MLH3: variants seen among roughly 807,000 people sequenced by gnomAD.
MLH3 encodes the protein mutL homolog 3.
In MLH3, 82 loss-of-function variants were observed where a neutral mutation model predicts 122.2. The ratio of observed to expected loss-of-function variants is 0.67; its 90% confidence interval spans 0.56 to 0.81. The LOEUF is 0.81. MLH3 is among the 30% of genes least tolerant of loss of function. The pLI is 0.00. For missense variants in MLH3, 1,539 were observed against 1,714.5 expected (o/e 0.90, Z 1.81); for synonymous variants, 524 against 599.5 (o/e 0.87, Z 1.84).
At chr14:75,043,824 T>A (rs1892033693) in intron 2 of MLH3, among the ~76,000 whole-genome samples, 1 of 152,224 alleles carries the variant, frequency 6.6e-6, no homozygotes. Flanking sequence ...GGCTGGTGGC[T>A]CACGCCTGTA....
In MLH3 at chr14:75,039,895, G is replaced by A. The variant is rs989660381; in HGVS notation, c.3570+16C>T. 1.0e-5 allele frequency: 9 copies of A among 875,514 alleles called. No individual in the cohort carries two copies. Among genetic ancestry groups the A allele is most frequent in the Non-Finnish European group, 1.4e-5 (8 of 568,250 alleles). 54.2% of individuals were successfully genotyped at this position (875,514 alleles called of 1,614,324 possible). On this transcript the variant is annotated intron_variant, in intron 5 of 12. Transcript: ENST00000355774. ...TATATATATATATTTATGAGATTTTGAAGTTAATCTTTTACCTGCATTGAA... is the reference window on the plus strand; with the variant it reads ...TATATATATATATTTATGAGATTTTAAAGTTAATCTTTTACCTGCATTGAA...
rs775972214 is a variant in MLH3, at chr14:75,041,601, T to C, written c.3465+14A>G. 1 of 1,599,842 alleles carries C rather than the reference T, an allele frequency of 6.3e-7. No individual in the cohort carries two copies. ...AGAAAAAAAAAAGGCAAAGAAAAAC[T>C]GCTACAGACCCACCTCTGGATAACG... On this transcript the variant is annotated intron_variant, in intron 4 of 12. Transcript: ENST00000355774.
chr14:75,042,122 GA>G, intron 3 of MLH3, among the ~76,000 whole-genome samples: 1 of 152,158 alleles, frequency 6.6e-6, no homozygotes, highest in Non-Finnish European at 1.5e-5. Flanking sequence ...TTAAAAATAA[GA>G]AACATGTCCC....
rs930453949 is a variant in MLH3, at chr14:75,048,427, G to A, written c.1229C>T (p.Ala410Val). 2 of 1,609,314 alleles carry A rather than the reference G, an allele frequency of 1.2e-6. No homozygotes were observed. Among genetic ancestry groups the A allele is most frequent in the Non-Finnish European group, 1.7e-6 (2 of 1,178,744 alleles). The part of the protein sequence containing the change: ...SYEMFNLQSK[A>V]VKRKTTAENV... Reference sequence around the variant, plus strand: ...TTCTGCAGTAGTTTTTCTTTTCACAGCTTTTGACTGCAAATTAAACATCTC... The same window carrying A: ...TTCTGCAGTAGTTTTTCTTTTCACAACTTTTGACTGCAAATTAAACATCTC... Residue 410 changes from alanine to valine, a missense_variant, in exon 2 of 13, where the codon GCT becomes GTT. Coordinates refer to ENST00000355774, the MANE Select transcript of MLH3 (RefSeq NM_001040108.2).
chr14:75,039,051 G>A (rs1441459108), intron 5 of MLH3, among the ~76,000 whole-genome samples: 1 of 152,044 alleles, frequency 6.6e-6, no homozygotes, highest in Non-Finnish European at 1.5e-5. Context: ...TAGAGACGGG[G>A]TTTCACCGTG....
rs1405835646 is a variant in MLH3 at position 75,035,065 on chromosome 14, A to G, written c.3644-1575T>C. Reference sequence around the variant, plus strand: ...GCGACAGAGCAAGACTCCATCTCAAAAAAAAAAAAAAAAAAAAAAAAGTAA... The same window carrying G: ...GCGACAGAGCAAGACTCCATCTCAAGAAAAAAAAAAAAAAAAAAAAAGTAA... On this transcript the variant is annotated intron_variant, in intron 6 of 12. Transcript: ENST00000355774. 4.6e-3 allele frequency among the ~76,000 whole-genome samples: 690 copies of G among 149,110 alleles called. 4 individuals carry two copies. Among genetic ancestry groups the G allele is most frequent in the African/African-American group, 0.017 (670 of 40,560 alleles).
Position 75,046,505 on chromosome 14 carries a change from C to T in MLH3, c.3151G>A (p.Ala1051Thr), listed in dbSNP as rs1482097875. ...CSDWQRHFDVALGRMVYVNKM... is the reference protein window; with the variant it reads ...CSDWQRHFDVTLGRMVYVNKM... ...TTGACATAAACCATTCTTCCCAGGGCTACATCGAAATGCCGCTGCCAATCT... is the reference window on the plus strand; with the variant it reads ...TTGACATAAACCATTCTTCCCAGGGTTACATCGAAATGCCGCTGCCAATCT... The change falls in exon 2 of 13, where the codon GCC becomes ACC. Residue 1051 changes from alanine to threonine, a missense_variant. Transcript: ENST00000355774. 2 of 1,614,058 alleles carry T rather than the reference C, an allele frequency of 1.2e-6. No individual in the cohort carries two copies. The highest frequency in any genetic ancestry group is 1.7e-5 in the Admixed American group (1 of 60,010).
At chr14:75,027,982 G>A (rs1278046207) in intron 9 of MLH3, among the ~76,000 whole-genome samples, 1 of 147,346 alleles carries the variant, frequency 6.8e-6, no homozygotes, top group Admixed American at 6.8e-5. Flanking sequence ...ATCTCTAAAA[G>A]GATATAAATG....
At chr14:75,026,607 G>A (rs140994419) in intron 9 of MLH3, among the ~76,000 whole-genome samples, 1 of 152,276 alleles carries the variant, frequency 6.6e-6, no homozygotes, top group Non-Finnish European at 1.5e-5. Context: ...CGTTTGAGGT[G>A]ATAATGACTG....
Position 75,049,009 on chromosome 14 carries a change from C to A in MLH3, c.647G>T (p.Gly216Val). ...TCTTAGCTTTTGGGACTTTCCCAAT[C>A]CATAAATTTGACAAAATCGGGAACA... The part of the protein sequence containing the change: ...DVCSRFCQIY[G>V]LGKSQKLREI... The change falls in exon 2 of 13, where the codon GGA (glycine) becomes GTA (valine). Residue 216 changes from glycine to valine, a missense_variant. Transcript: ENST00000355774. 1 of 1,614,088 alleles carries A rather than the reference C, an allele frequency of 6.2e-7. No individual in the cohort carries two copies. The highest frequency in any genetic ancestry group is 8.5e-7 in the Non-Finnish European group (1 of 1,180,012).
At chr14:75,041,410 G>A (rs758421093) in intron 4 of MLH3, among the ~76,000 whole-genome samples, 8 of 152,070 alleles carry the variant, frequency 5.3e-5, no homozygotes, top group Admixed American at 1.3e-4. Flanking sequence ...TTCGCTGGGC[G>A]TGGTGGCAGG....
chr14:75,041,349 A>C (rs1029951013), intron 4 of MLH3, among the ~76,000 whole-genome samples: 1 of 152,188 alleles, frequency 6.6e-6, no homozygotes, highest in Admixed American at 6.5e-5. Context: ...TGGGAGTTAG[A>C]GACCAGCCTG....
intron 4 of MLH3, among the ~76,000 whole-genome samples, chr14:75,040,719 C>T (rs375846757): frequency 2.6e-5 from 4 of 152,072 alleles, no homozygotes; most frequent in African/African-American, 4.8e-5. Context: ...AACATCCATG[C>T]GGGGCCAATG....
In MLH3 at chr14:75,014,902, C is replaced by T. The variant is rs1889814170; in HGVS notation, c.*2180G>A. ...CTGAATTCTGGCTCTTACAGCTAAG[C>T]CTTCAGCAAACCAGTTAACAGCTCC... is the stretch of plus-strand genomic sequence containing the variant. On this transcript the variant is annotated 3_prime_UTR_variant, in exon 13 of 13. Coordinates refer to ENST00000355774, the MANE Select transcript of MLH3 (RefSeq NM_001040108.2). The T allele has an allele frequency of 5.6e-6, 1 of 179,762 alleles. No homozygotes were observed. The highest frequency in any genetic ancestry group is 6.3e-5 in the Admixed American group (1 of 15,888). The allele number at this position is 179,762 out of a possible 1,614,324, so 11.1% of individuals were successfully genotyped here. A position where few individuals can be genotyped will look rare whatever the true frequency, so the allele number is the denominator to read the frequency against.
At chr14:75,022,747 A>G in intron 11 of MLH3, 67 bp downstream of exon 11, 1 of 1,407,272 alleles carries the variant, frequency 7.1e-7, no homozygotes, top group Non-Finnish European at 1.0e-6. Context: ...CTCTTTTGTA[A>G]TCCCGGCAGC....
intron 2 of MLH3, 30 bp from the exon 3 acceptor site, chr14:75,042,507 G>A: frequency 6.5e-7 from 1 of 1,538,514 alleles, no homozygotes; most frequent in Admixed American, 1.7e-5. Context: ...ACCTAGAAAT[G>A]TGAACTTAAA....
intron 3 of MLH3, 144 bp downstream of exon 3, chr14:75,042,235 C>T (rs1205127961): frequency 2.7e-6 from 2 of 750,354 alleles, no homozygotes; most frequent in Non-Finnish European, 4.7e-6. Context: ...TTAATTAGTT[C>T]CGCTGTTAAA....
In MLH3 at chr14:75,015,612, G is replaced by A. The variant is rs181758061; in HGVS notation, c.*1470C>T. On this transcript the variant is annotated 3_prime_UTR_variant, in exon 13 of 13. Transcript: ENST00000355774. The stretch of plus-strand genomic sequence containing the variant: ...AAAACTCTCTCCTTTCTAAGGTCAT[G>A]TCTTCCCATCTATAAAACATCCGTT... 230 of 187,702 alleles carry A rather than the reference G, an allele frequency of 1.2e-3. No homozygotes were observed. Among genetic ancestry groups the A allele is most frequent in the African/African-American group, 5.0e-3 (216 of 42,876 alleles). 11.6% of individuals were successfully genotyped at this position (187,702 alleles called of 1,614,324 possible).
chr14:75,045,128 G>C lies in MLH3; in HGVS notation c.3280+1248C>G, dbSNP rs1438937257. ...GTGGATCACCTGAGGTCAGGAGATC[G>C]AGACAAGCCTGGCCAACACGGTAAA... On this transcript the variant is annotated intron_variant, in intron 2 of 12. Transcript: ENST00000355774. Among the ~76,000 whole-genome samples the C allele has an allele frequency of 2.6e-5, 4 of 152,280 alleles. No homozygotes were observed. In the East Asian group the frequency reaches 7.7e-4, roughly 29 times the overall value.
Sources: gnomAD v4.1 joint callset for allele counts (sites outside exome capture counted in the v4.1 genomes callset) on GRCh38, gnomAD v4.1.1 for gene constraint, MANE v1.5 for transcripts, NCBI Gene and HGNC (gene_info 2026-07-23, HGNC 2026-07-21) for gene names.